GRIP1: variants seen among roughly 807,000 people sequenced by gnomAD.
The protein encoded by GRIP1 is glutamate receptor-interacting protein 1.
GRIP1 carries 45 observed loss-of-function variants against 129.9 expected under a neutral mutation model. The observed-to-expected ratio is 0.35, with a 90% CI of 0.27 to 0.44. The LOEUF (loss-of-function observed/expected upper bound fraction) is 0.44, where lower values mean the gene tolerates loss of function less well. Among genes scored for constraint, GRIP1 ranks in the 20% least tolerant of loss-of-function variants. GRIP1 has a pLI of 1.00. For synonymous variants in GRIP1, 530 were observed against 520.8 expected, an observed-to-expected ratio of 1.02 and a Z score of -0.24; for missense variants, 1,196 against 1,396.8, an observed-to-expected ratio of 0.86 and a Z score of 2.29.
intron 2 of GRIP1, among the ~76,000 whole-genome samples, chr12:66,556,614 C>G (rs894340265): frequency 3.3e-5 from 5 of 150,884 alleles, no homozygotes; most frequent in African/African-American, 1.2e-4. Flanking sequence ...GACAACTTTT[C>G]AAGAAATAGC....
chr12:66,716,342 A>C (rs1287886137), intron 1 of GRIP1, among the ~76,000 whole-genome samples: 1 of 151,976 alleles, frequency 6.6e-6, no homozygotes, highest in Non-Finnish European at 1.5e-5. Context: ...CATTTATTAG[A>C]GGCTCCTGGG....
At chr12:66,851,143 T>C (rs907087140) in intron 1 of GRIP1, among the ~76,000 whole-genome samples, 1 of 151,752 alleles carries the variant, frequency 6.6e-6, no homozygotes, top group Non-Finnish European at 1.5e-5. Flanking sequence ...AAGGATAAGC[T>C]GAAAGGCAAG....
At chr12:66,526,759 A>G (rs1217776130) in intron 5 of GRIP1, among the ~76,000 whole-genome samples, 2 of 152,124 alleles carry the variant, frequency 1.3e-5, no homozygotes, top group Non-Finnish European at 2.9e-5. Context: ...AGAATGGGAG[A>G]GAATTTTTGC....
chr12:66,995,760 T>G (rs1385636701), intron 1 of GRIP1, among the ~76,000 whole-genome samples: 1 of 152,108 alleles, frequency 6.6e-6, no homozygotes, highest in African/African-American at 2.4e-5. Flanking sequence ...TGGAAAACAG[T>G]TTGGCCATTC....
chr12:66,401,609 T>TACACAC (rs71096099), intron 16 of GRIP1, among the ~76,000 whole-genome samples: 59 of 110,102 alleles, frequency 5.4e-4, no homozygotes, highest in Middle Eastern at 4.7e-3. Flanking sequence ...TATATATATA[T>TACACAC]ACACACACAC....
chr12:66,580,959 T>A (rs1416306702), intron 2 of GRIP1, among the ~76,000 whole-genome samples: 1 of 152,130 alleles, frequency 6.6e-6, no homozygotes, highest in Non-Finnish European at 1.5e-5. Flanking sequence ...ATATACATTT[T>A]TTTCAGCACC....
intron 1 of GRIP1, among the ~76,000 whole-genome samples, chr12:66,889,899 G>A (rs562552255): frequency 6.6e-6 from 1 of 151,932 alleles, no homozygotes; most frequent in Admixed American, 6.6e-5. Flanking sequence ...TCATAGAGAG[G>A]TAAACGGAGG....
chr12:66,533,372 G>A (rs1436580373), intron 4 of GRIP1, among the ~76,000 whole-genome samples: 3 of 151,856 alleles, frequency 2.0e-5, no homozygotes, highest in Non-Finnish European at 4.4e-5. Flanking sequence ...CAGGCCGGGC[G>A]TGGTGGCTCA....
intron 2 of GRIP1, among the ~76,000 whole-genome samples, chr12:66,574,074 C>G (rs2063057336): frequency 6.6e-6 from 1 of 152,156 alleles, no homozygotes; most frequent in Non-Finnish European, 1.5e-5. Context: ...TTGCTGTTCT[C>G]TTTTGCAAAT....
rs188848184 is a variant in GRIP1, at chr12:66,892,873, G to A, written c.58+176177C>T. ...TCTGAGCTACTTGGGAGGCTGAGTC[G>A]GGAGGATTGCTGGAGCCTAGGAGGT... On this transcript the variant is annotated intron_variant, in intron 1 of 1. Transcript: ENST00000643019. 7.9e-5 allele frequency among the ~76,000 whole-genome samples: 12 copies of A among 152,094 alleles called. No individual in the cohort carries two copies. The South Asian group carries it at 8.3e-4, about 11-fold the overall frequency.
At chr12:66,804,309 T>C (rs2038941261), upstream of GRIP1, 1 of 250,250 alleles carries the variant, frequency 4.0e-6, no homozygotes, top group South Asian at 3.7e-5. Context: ...TACCCTTCTA[T>C]CTACCTCTGG....
chr12:66,707,499 T>C (rs559761403), intron 1 of GRIP1, among the ~76,000 whole-genome samples: 108 of 110,744 alleles, frequency 9.8e-4, no homozygotes, highest in African/African-American at 3.6e-3. Flanking sequence ...CGCCAATCAC[T>C]GACTAAAAAA....
chr12:67,007,039 CT>C (rs1235362660), intron 1 of GRIP1, among the ~76,000 whole-genome samples: 1 of 152,090 alleles, frequency 6.6e-6, no homozygotes, highest in African/African-American at 2.4e-5. Flanking sequence ...TTAAACTTTT[CT>C]TTTTGACAAA....
intron 4 of GRIP1, among the ~76,000 whole-genome samples, chr12:66,531,068 C>A (rs1379668194): frequency 1.3e-5 from 2 of 151,510 alleles, no homozygotes; most frequent in Admixed American, 6.6e-5. Flanking sequence ...AACCTCATCT[C>A]TACTAAAAAT....
At chr12:66,450,327 A>G in intron 11 of GRIP1, among the ~76,000 whole-genome samples, 1 of 149,194 alleles carries the variant, frequency 6.7e-6, no homozygotes, top group Non-Finnish European at 1.5e-5. Flanking sequence ...AAAAAAAAAA[A>G]AAAAAAGAAA....
intron 1 of GRIP1, among the ~76,000 whole-genome samples, chr12:66,632,931 C>T (rs1460102291): frequency 6.6e-6 from 1 of 151,952 alleles, no homozygotes; most frequent in Non-Finnish European, 1.5e-5. Flanking sequence ...AATTGAAGCT[C>T]AGGGTATAAG....
intron 13 of GRIP1, among the ~76,000 whole-genome samples, chr12:66,439,519 A>G (rs2058411193): frequency 6.6e-6 from 1 of 151,886 alleles, no homozygotes; most frequent in Non-Finnish European, 1.5e-5. Flanking sequence ...CAAACACAGT[A>G]GTGTAGTGTA....
intron 1 of GRIP1, among the ~76,000 whole-genome samples, chr12:66,890,153 C>T (rs2040633952): frequency 2.0e-5 from 3 of 151,934 alleles, no homozygotes; most frequent in Admixed American, 6.6e-5. Context: ...GGTCTAGAAC[C>T]CCTGGGCTCA....
intron 1 of GRIP1, among the ~76,000 whole-genome samples, chr12:66,660,236 A>G (rs1460578055): frequency 6.6e-6 from 1 of 151,678 alleles, no homozygotes; most frequent in East Asian, 1.9e-4. Context: ...TATAAAATTC[A>G]TACCCTAAAA....
Sources: allele counts gnomAD v4.1 joint callset (sites outside exome capture counted in the v4.1 genomes callset), GRCh38; gene constraint gnomAD v4.1.1; transcripts MANE v1.5; gene names NCBI Gene and HGNC (gene_info 2026-07-23, HGNC 2026-07-21).